ADCY2: variants seen among roughly 807,000 people sequenced by gnomAD.
The protein encoded by ADCY2 is adenylate cyclase 2.
A neutral mutation model predicts 125.2 loss-of-function variants in ADCY2; 31 were observed. The ratio of observed to expected loss-of-function variants is 0.25; its 90% CI spans 0.19 to 0.33. ADCY2 has a LOEUF of 0.33. Ranked by LOEUF, ADCY2 falls within the 10% of genes least tolerant of loss-of-function variation. The pLI is 1.00. For synonymous variants in ADCY2, 512 were observed against 548.4 expected, an observed-to-expected ratio of 0.93 and a Z score of 0.93; for missense variants, 904 against 1,418.2, an observed-to-expected ratio of 0.64 and a Z score of 5.82.
chr5:7,712,920 A>AT lies in ADCY2; in HGVS notation c.1622+27dup, dbSNP rs1490287930. 7 of 1,567,674 alleles carry AT rather than the reference A, an allele frequency of 4.5e-6. No homozygotes were observed. The African/African-American group carries it at 6.8e-5, about 15-fold the overall frequency. ...TTAAGGTATGGTATCTCTCTATCTG[A>AT]TTTTTTAAAGCTTATTGCTCTTTAT... On this transcript the variant is annotated intron_variant, in intron 11 of 24. Transcript: ENST00000338316.
At chr5:7,446,249 A>C (rs1741244750) in intron 2 of ADCY2, among the ~76,000 whole-genome samples, 1 of 152,226 alleles carries the variant, frequency 6.6e-6, no homozygotes, top group Non-Finnish European at 1.5e-5. Context: ...TGAATTTCAT[A>C]GATCATTTAA....
At chr5:7,725,417 T>C (rs1741900173) in intron 13 of ADCY2, among the ~76,000 whole-genome samples, 1 of 152,162 alleles carries the variant, frequency 6.6e-6, no homozygotes, top group Non-Finnish European at 1.5e-5. Flanking sequence ...CAAATAGAAA[T>C]ATTAAATATG....
chr5:7,419,044 CTG>C lies in ADCY2; in HGVS notation c.408+4277_408+4278del, dbSNP rs1740083093. Among the ~76,000 whole-genome samples the C allele has an allele frequency of 4.6e-5, 7 of 152,266 alleles. No homozygotes were observed. The South Asian group carries it at 1.4e-3, about 32-fold the overall frequency. ...CACGTTCACTTTGCTCAAGAAAGCA[CTG>C]TGCTTAGGAAAGCAGGCTGCTTTCA... On this transcript the variant is annotated intron_variant, in intron 2 of 24. Coordinates refer to ENST00000338316, the MANE Select transcript of ADCY2 (RefSeq NM_020546.3).
chr5:7,650,251 C>T lies in ADCY2; in HGVS notation c.720+23935C>T, dbSNP rs77712422. Among the ~76,000 whole-genome samples the T allele has an allele frequency of 5.7e-3, 863 of 151,780 alleles. 9 individuals are homozygous for T. The highest frequency in any genetic ancestry group is 0.02 in the African/African-American group (809 of 41,350). On this transcript the variant is annotated intron_variant, in intron 4 of 24. Transcript: ENST00000338316. Reference sequence around the variant, plus strand: ...ACACACACACACACACACACACAAACGCACATTCTCCTCCTTGTCACACTT... The same window carrying T: ...ACACACACACACACACACACACAAATGCACATTCTCCTCCTTGTCACACTT...
At chr5:7,406,881 T>G (rs1739507925) in intron 1 of ADCY2, among the ~76,000 whole-genome samples, 1 of 152,232 alleles carries the variant, frequency 6.6e-6, no homozygotes, top group African/African-American at 2.4e-5. Context: ...TATTTTTCTC[T>G]GCCTTCTCAT....
At chr5:7,817,860 T>A (rs1410590790) in intron 23 of ADCY2, among the ~76,000 whole-genome samples, 1 of 149,182 alleles carries the variant, frequency 6.7e-6, no homozygotes, top group South Asian at 2.1e-4. Context: ...AAAAGTAACG[T>A]TTACTTGGTT....
intron 3 of ADCY2, 65 bp from the exon 4 acceptor site, chr5:7,626,102 T>C: frequency 6.5e-7 from 1 of 1,535,472 alleles, no homozygotes; most frequent in Non-Finnish European, 8.8e-7. Context: ...ATGTGCACTT[T>C]GTTTTGATTG....
chr5:7,471,528 T>C (rs1458272943), intron 2 of ADCY2, among the ~76,000 whole-genome samples: 1 of 152,068 alleles, frequency 6.6e-6, no homozygotes, highest in African/African-American at 2.4e-5. Context: ...ATTTTTGTGC[T>C]ATTTTTATAT....
intron 20 of ADCY2, chr5:7,801,685 A>G (rs906367100): frequency 1.2e-4 from 18 of 152,346 alleles, no homozygotes; most frequent in African/African-American, 4.1e-4. Flanking sequence ...AATATCATGA[A>G]TAAATATAGT....
intron 12 of ADCY2, among the ~76,000 whole-genome samples, chr5:7,723,793 C>T (rs1037641283): frequency 1.9e-4 from 28 of 151,264 alleles, no homozygotes; most frequent in Non-Finnish European, 3.2e-4. Flanking sequence ...TGGTGGCATG[C>T]ACCTGTAGTC....
chr5:7,768,049 A>G (rs1457956786), intron 17 of ADCY2, among the ~76,000 whole-genome samples: 4 of 139,490 alleles, frequency 2.9e-5, no homozygotes, highest in Non-Finnish European at 6.3e-5. Flanking sequence ...AAAAAAAAAG[A>G]AGTGGCTTCT....
chr5:7,787,817 T>C (rs1744127436), intron 19 of ADCY2, among the ~76,000 whole-genome samples: 1 of 152,172 alleles, frequency 6.6e-6, no homozygotes, highest in Non-Finnish European at 1.5e-5. Flanking sequence ...GCTTACCTGT[T>C]ATGCAATAAC....
At chr5:7,472,534 T>C (rs1316685325) in intron 2 of ADCY2, among the ~76,000 whole-genome samples, 1 of 152,162 alleles carries the variant, frequency 6.6e-6, no homozygotes, top group Non-Finnish European at 1.5e-5. Flanking sequence ...CAAGTAGATA[T>C]ATATATGGTT....
At chr5:7,486,573 G>T (rs554111976) in intron 2 of ADCY2, among the ~76,000 whole-genome samples, 5 of 152,170 alleles carry the variant, frequency 3.3e-5, no homozygotes, top group Non-Finnish European at 5.9e-5. Context: ...GCCTATCTAG[G>T]CTGATCATCA....
chr5:7,683,834 A>C (rs1274247314), intron 4 of ADCY2, among the ~76,000 whole-genome samples: 2 of 152,246 alleles, frequency 1.3e-5, no homozygotes, highest in African/African-American at 4.8e-5. Flanking sequence ...ACCTTTCATC[A>C]AATCGATACC....
intron 2 of ADCY2, among the ~76,000 whole-genome samples, chr5:7,507,800 A>G (rs1004234511): frequency 1.3e-5 from 2 of 152,192 alleles, no homozygotes; most frequent in Non-Finnish European, 2.9e-5. Flanking sequence ...ATGGTGTTCC[A>G]TTAACCTTCA....
At chr5:7,547,130 C>T (rs542043759) in intron 3 of ADCY2, among the ~76,000 whole-genome samples, 5 of 152,170 alleles carry the variant, frequency 3.3e-5, no homozygotes, top group African/African-American at 4.8e-5. Context: ...GGATGTTCCT[C>T]AAGGGAAGGC....
chr5:7,519,970 G>A (rs192807198), intron 2 of ADCY2, among the ~76,000 whole-genome samples: 1 of 152,274 alleles, frequency 6.6e-6, no homozygotes, highest in East Asian at 1.9e-4. Context: ...CCCCTGTATG[G>A]TAGCATGCAT....
intron 22 of ADCY2, among the ~76,000 whole-genome samples, chr5:7,816,344 G>A (rs1309038004): frequency 6.6e-6 from 1 of 152,196 alleles, no homozygotes; most frequent in African/African-American, 2.4e-5. Context: ...AGCCTGCGGT[G>A]AGCAGGGAAG....
Sources: allele counts gnomAD v4.1 joint callset (sites outside exome capture counted in the v4.1 genomes callset), GRCh38; gene constraint gnomAD v4.1.1; transcripts MANE v1.5; gene names NCBI Gene and HGNC (gene_info 2026-07-23, HGNC 2026-07-21).